The following FXN variants were observed in gnomAD, a reference collection of about 807,000 sequenced individuals.
The protein encoded by FXN is frataxin.
FXN carries 14 observed loss-of-function variants against 22.4 expected under a neutral mutation model. The ratio of observed to expected loss-of-function variants is 0.62; its 90% CI spans 0.41 to 0.98. FXN has a LOEUF of 0.98. Ranked by LOEUF, FXN falls within the 50% of genes least tolerant of loss-of-function variation. FXN has a pLI of 0.00. For missense variants in FXN, 267 were observed against 268.4 expected (o/e 0.99, Z 0.04); for synonymous variants, 120 against 114.1 (o/e 1.05, Z -0.33).
rs369586554 is a variant in FXN, at chr9:69,075,509, C to A, written c.*2747C>A. ...GGACTTCAAACACATGAACAGCAGC[C>A]AGGGGAAGAATCAAAATCATATTCT... On this transcript the variant is annotated 3_prime_UTR_variant, in exon 5 of 5. Transcript: ENST00000484259. 2.9e-5 allele frequency: 29 copies of A among 984,640 alleles called. No homozygotes were observed. In the East Asian group the frequency reaches 2.7e-3, roughly 93 times the overall value. The allele number at this position is 984,640 out of a possible 1,614,324, so 61.0% of individuals were successfully genotyped here.
chr9:69,037,284 A>AAAAAAAAAAAGAAG (rs544093183), intron 1 of FXN, among the ~76,000 whole-genome samples: 3 of 78,058 alleles, frequency 3.8e-5, no homozygotes, highest in Non-Finnish European at 5.1e-5. Flanking sequence ...AAAAAAAAAA[A>AAAAAAAAAAAGAAG]AAGAAGAAGA....
rs3829062 is a variant in FXN, at chr9:69,053,281, T to C, written c.384+21T>C. 837,009 of 1,610,380 alleles carry C rather than the reference T, an allele frequency of 0.52. 219,549 individuals carry two copies. The highest frequency in any genetic ancestry group is 0.59 in the Middle Eastern group (3,553 of 6,032). ...TTGGGGTACCTCTTGACTTCTTTTA[T>C]TTTTCTGTTTCCCCCTCTAAGAATT... On this transcript the variant is annotated intron_variant, in intron 3 of 4. Transcript: ENST00000484259.
Position 69,078,743 on chromosome 9 carries a change from A to G in FXN, c.*5981A>G, listed in dbSNP as rs956348096. The G allele has an allele frequency of 2.0e-6, 2 of 985,502 alleles. No homozygotes were observed. The highest frequency in any genetic ancestry group is 4.7e-5 in the South Asian group (1 of 21,274). The allele number at this position is 985,502 out of a possible 1,614,324, so 61.0% of individuals were successfully genotyped here. A position where few individuals can be genotyped will look rare whatever the true frequency, so the allele number is the denominator to read the frequency against. On this transcript the variant is annotated 3_prime_UTR_variant, in exon 5 of 5. Transcript: ENST00000484259. ...GTTTCCATTTTGGTCTTTATTCCCCACATCTCTGCCTGGGGGGTAGATTCT... is the reference window on the plus strand; with the variant it reads ...GTTTCCATTTTGGTCTTTATTCCCCGCATCTCTGCCTGGGGGGTAGATTCT...
At chr9:69,041,299 A>G (rs1831653574) in intron 1 of FXN, among the ~76,000 whole-genome samples, 1 of 152,080 alleles carries the variant, frequency 6.6e-6, no homozygotes, top group Admixed American at 6.6e-5. Context: ...CTTTTGTTCA[A>G]CACTGTTTTT....
At chr9:69,051,815 C>T (rs149201840) in intron 2 of FXN, among the ~76,000 whole-genome samples, 4 of 152,278 alleles carry the variant, frequency 2.6e-5, no homozygotes, top group African/African-American at 9.6e-5. Flanking sequence ...GAAGGATAAA[C>T]AGTGATAGCA....
Position 69,078,684 on chromosome 9 carries a change from TA to T in FXN, c.*5923del, listed in dbSNP as rs201904147. The T allele has an allele frequency of 6.3e-5, 60 of 945,318 alleles. No individual in the cohort carries two copies. The African/African-American group carries it at 1.4e-3, about 22-fold the overall frequency. 58.6% of individuals were successfully genotyped at this position (945,318 alleles called of 1,614,324 possible). Reference sequence around the variant, plus strand: ...CCCCAGATCCCTAAGTGTGCTGTGCTATTTTCACGTGGCTCTCAGACTTGGC... The same window carrying T: ...CCCCAGATCCCTAAGTGTGCTGTGCTTTTTCACGTGGCTCTCAGACTTGGC... On this transcript the variant is annotated 3_prime_UTR_variant, in exon 5 of 5. Coordinates refer to ENST00000484259, the MANE Select transcript of FXN (RefSeq NM_000144.5).
chr9:69,060,143 C>T (rs895580865), intron 3 of FXN, among the ~76,000 whole-genome samples: 20 of 151,944 alleles, frequency 1.3e-4, no homozygotes, highest in South Asian at 6.2e-4. Context: ...CCAAGGCGGG[C>T]GGATCACGAG....
intron 1 of FXN, among the ~76,000 whole-genome samples, chr9:69,038,125 G>A (rs949739287): frequency 6.6e-6 from 1 of 152,228 alleles, no homozygotes. Context: ...CACCAGCTGG[G>A]CCTCTTTTTT....
At chr9:69,040,400 G>A (rs1324003098) in intron 1 of FXN, among the ~76,000 whole-genome samples, 1 of 152,186 alleles carries the variant, frequency 6.6e-6, no homozygotes, top group Non-Finnish European at 1.5e-5. Context: ...CGGGCGCGGT[G>A]GCTCACGCCT....
At chr9:69,056,688 A>C (rs1165886564) in intron 3 of FXN, among the ~76,000 whole-genome samples, 1 of 152,134 alleles carries the variant, frequency 6.6e-6, no homozygotes, top group Non-Finnish European at 1.5e-5. Flanking sequence ...TGAAACCACT[A>C]AAAAGGAAGG....
rs111431879 is a variant in FXN, at chr9:69,076,220, T to G, written c.*3458T>G. On this transcript the variant is annotated 3_prime_UTR_variant, in exon 5 of 5. Transcript: ENST00000484259. ...TAGACACTGACAGTGGCCTCATGTTTTTTTTTTTTTTAATCTATAAAATGG... is the reference window on the plus strand; with the variant it reads ...TAGACACTGACAGTGGCCTCATGTTGTTTTTTTTTTTAATCTATAAAATGG... 4.3e-4 allele frequency: 390 copies of G among 904,286 alleles called. 1 individual carries two copies. The African/African-American group carries it at 8.5e-3, about 20-fold the overall frequency. 56.0% of individuals were successfully genotyped at this position (904,286 alleles called of 1,614,324 possible). A position where few individuals can be genotyped will look rare whatever the true frequency, so the allele number is the denominator to read the frequency against.
intron 3 of FXN, among the ~76,000 whole-genome samples, chr9:69,054,131 G>C (rs1301549956): frequency 6.6e-6 from 1 of 152,130 alleles, no homozygotes; most frequent in Admixed American, 6.5e-5. Context: ...CTCCCGAGTA[G>C]CTGGGATTAT....
intron 2 of FXN, among the ~76,000 whole-genome samples, chr9:69,051,443 G>C (rs1831849177): frequency 6.6e-6 from 1 of 151,330 alleles, no homozygotes; most frequent in Non-Finnish European, 1.5e-5. Flanking sequence ...AATTTGAGAA[G>C]TGTTAAATAA....
chr9:69,051,257 A>G (rs1389940569), intron 2 of FXN, among the ~76,000 whole-genome samples: 4 of 152,052 alleles, frequency 2.6e-5, no homozygotes, highest in Admixed American at 6.5e-5. Context: ...GGCCATGCCC[A>G]GCTAATTTTT....
At chr9:69,059,000 G>A (rs7033409) in intron 3 of FXN, among the ~76,000 whole-genome samples, 24,238 of 151,936 alleles carry the variant, frequency 0.16, 2,062 homozygotes, top group Middle Eastern at 0.22. Context: ...CCTGGGAGGC[G>A]GAGCTTGCAG....
At chr9:69,040,740 G>C (rs1480477786) in intron 1 of FXN, among the ~76,000 whole-genome samples, 1 of 152,160 alleles carries the variant, frequency 6.6e-6, no homozygotes, top group Non-Finnish European at 1.5e-5. Flanking sequence ...TGGTCTGCAT[G>C]TTTGTGTCAC....
At chr9:69,071,131 A>G (rs1260915639) in intron 4 of FXN, 1 of 514,308 alleles carries the variant, frequency 1.9e-6, no homozygotes, top group African/African-American at 1.9e-5. Context: ...CACCTCAGGC[A>G]GTGTGGAGGG....
chr9:69,043,908 A>T (rs1395879644), intron 1 of FXN, among the ~76,000 whole-genome samples: 1 of 152,028 alleles, frequency 6.6e-6, no homozygotes, highest in African/African-American at 2.4e-5. Flanking sequence ...TTTCAAGTTG[A>T]AATGAGGTCT....
intron 3 of FXN, among the ~76,000 whole-genome samples, chr9:69,061,965 TA>T (rs1832081404): frequency 6.6e-6 from 1 of 152,142 alleles, no homozygotes. Flanking sequence ...AAATAATTTA[TA>T]AAACTCTGTA....
Sources: allele counts gnomAD v4.1 joint callset (sites outside exome capture counted in the v4.1 genomes callset), GRCh38; gene constraint gnomAD v4.1.1; transcripts MANE v1.5; gene names NCBI Gene and HGNC (gene_info 2026-07-23, HGNC 2026-07-21).